PTBP2: variants seen among roughly 807,000 people sequenced by gnomAD.
The protein encoded by PTBP2 is polypyrimidine tract binding protein 2, also known as polypyrimidine tract-binding protein 2.
Under a neutral mutation model 61.4 loss-of-function variants are expected in PTBP2, and 13 were observed. That is an observed-to-expected ratio of 0.21 (90% CI 0.14 to 0.34). The LOEUF (loss-of-function observed/expected upper bound fraction) is 0.34, where lower values mean the gene tolerates loss of function less well. Among genes scored for constraint, PTBP2 ranks in the 10% least tolerant of loss-of-function variants. PTBP2 has a pLI of 1.00. For synonymous variants in PTBP2, 215 were observed against 218.5 expected, an observed-to-expected ratio of 0.98 and a Z score of 0.14; for missense variants, 405 against 642.6, an observed-to-expected ratio of 0.63 and a Z score of 4.00.
At chr1:96,798,024 C>G (rs1427812498) in intron 8 of PTBP2, among the ~76,000 whole-genome samples, 3 of 141,074 alleles carry the variant, frequency 2.1e-5, no homozygotes, top group African/African-American at 8.0e-5. Flanking sequence ...TGCAGTGAGC[C>G]GAGATCGTGC....
chr1:96,746,720 AG>A (rs1177818264), intron 2 of PTBP2, among the ~76,000 whole-genome samples: 5 of 149,040 alleles, frequency 3.4e-5, no homozygotes, highest in Non-Finnish European at 5.9e-5. Flanking sequence ...AAAAAAAAAA[AG>A]TGTGTGTTTT....
chr1:96,821,796 T>G (rs1662693141), exon 14 of PTBP2: 3 of 152,004 alleles, frequency 2.0e-5, no homozygotes, highest in Admixed American at 2.0e-4. Context: ...ACCCAGCTAA[T>G]TTTTGTATTT....
chr1:96,783,480 G>A (rs1658912821), intron 7 of PTBP2, among the ~76,000 whole-genome samples: 2 of 151,902 alleles, frequency 1.3e-5, no homozygotes, highest in Admixed American at 1.3e-4. Flanking sequence ...AGTATTGCTG[G>A]GAAAGAATTC....
intron 2 of PTBP2, among the ~76,000 whole-genome samples, chr1:96,739,852 C>G (rs1211297470): frequency 6.6e-6 from 1 of 151,412 alleles, no homozygotes; most frequent in Non-Finnish European, 1.5e-5. Flanking sequence ...CTCTTATCTC[C>G]CGACCTCGTG....
At chr1:96,809,713 TCTCA>T (rs1177520501) in intron 11 of PTBP2, among the ~76,000 whole-genome samples, 12 of 152,116 alleles carry the variant, frequency 7.9e-5, no homozygotes, top group Admixed American at 7.9e-4. Flanking sequence ...AGAGATGAGT[TCTCA>T]CTGTGTTGCC....
At chr1:96,791,934 C>T (rs887999784) in intron 8 of PTBP2, among the ~76,000 whole-genome samples, 5 of 149,144 alleles carry the variant, frequency 3.4e-5, no homozygotes, top group East Asian at 4.0e-4. Flanking sequence ...CCTGGGTTCA[C>T]GCCATTCTCC....
chr1:96,815,484 C>G (rs905609632), downstream of PTBP2: 2 of 152,084 alleles, frequency 1.3e-5, no homozygotes, highest in Non-Finnish European at 2.9e-5. Flanking sequence ...ACTACTGTAA[C>G]TTGTTAAGCA....
chr1:96,749,604 T>C (rs956289645), intron 2 of PTBP2: 1 of 454,664 alleles, frequency 2.2e-6, no homozygotes, highest in Middle Eastern at 3.3e-4. Context: ...AGGGGCAAAC[T>C]TTGATTTTGT....
At chr1:96,749,768 A>G (rs1041004663) in intron 2 of PTBP2, 8 of 407,626 alleles carry the variant, frequency 2.0e-5, no homozygotes. Context: ...AGCACTACTG[A>G]TGTGAGCCAG....
intron 3 of PTBP2, among the ~76,000 whole-genome samples, chr1:96,763,215 G>A (rs1275065645): frequency 6.6e-6 from 1 of 152,122 alleles, no homozygotes; most frequent in African/African-American, 2.4e-5. Flanking sequence ...ACTTTGGGAG[G>A]CCAAGGCAGG....
chr1:96,782,175 A>G (rs759822160), intron 7 of PTBP2, among the ~76,000 whole-genome samples: 2 of 151,952 alleles, frequency 1.3e-5, no homozygotes, highest in South Asian at 4.1e-4. Context: ...TATTAGGAAT[A>G]TCTTTAGTTG....
At chr1:96,779,969 A>G (rs1658468007) in intron 7 of PTBP2, among the ~76,000 whole-genome samples, 1 of 152,052 alleles carries the variant, frequency 6.6e-6, no homozygotes, top group Non-Finnish European at 1.5e-5. Flanking sequence ...TTCTTCAGTC[A>G]ACAGTTTTTC....
rs1177961363 is a variant in PTBP2, at chr1:96,736,751, A to T, written c.39+13157A>T. ...CAGGCTGGAGTGCCGTGGCATGATC[A>T]TGGCAGCCTCAACCTCCTGGGCTCC... is the stretch of plus-strand genomic sequence containing the variant. On this transcript the variant is annotated intron_variant, in intron 2 of 13. Coordinates refer to ENST00000674951, the MANE Select transcript of PTBP2 (RefSeq NM_021190.4). 6.0e-5 allele frequency among the ~76,000 whole-genome samples: 9 copies of T among 151,086 alleles called. No individual in the cohort carries two copies. The East Asian group carries it at 1.4e-3, about 23-fold the overall frequency.
chr1:96,731,985 T>C (rs1570706719), intron 2 of PTBP2, among the ~76,000 whole-genome samples: 1 of 152,190 alleles, frequency 6.6e-6, no homozygotes, highest in East Asian at 1.9e-4. Context: ...ACTTTTTAGA[T>C]GTAGATTTTA....
intron 8 of PTBP2, among the ~76,000 whole-genome samples, chr1:96,789,395 A>G (rs1377233817): frequency 6.6e-6 from 1 of 152,072 alleles, no homozygotes; most frequent in Non-Finnish European, 1.5e-5. Context: ...AAGTCACCAG[A>G]TTCTACCCCA....
chr1:96,784,854 A>G, intron 7 of PTBP2: 1 of 458,720 alleles, frequency 2.2e-6, no homozygotes, highest in Non-Finnish European at 3.8e-6. Flanking sequence ...TTGAAGTAGC[A>G]TTTTCTATTT....
At chr1:96,780,220 C>T (rs1658502385) in intron 7 of PTBP2, among the ~76,000 whole-genome samples, 1 of 151,662 alleles carries the variant, frequency 6.6e-6, no homozygotes, top group African/African-American at 2.4e-5. Context: ...TCTGTCATCC[C>T]CTTTCTCATT....
At chr1:96,731,794 C>T (rs1354858114) in intron 2 of PTBP2, among the ~76,000 whole-genome samples, 1 of 152,060 alleles carries the variant, frequency 6.6e-6, no homozygotes, top group Non-Finnish European at 1.5e-5. Context: ...TGTTGCATTT[C>T]TTTAAAATGG....
intron 7 of PTBP2, 163 bp from the exon 8 acceptor site, chr1:96,784,896 A>G (rs75437331): frequency 0.017 from 9,523 of 553,912 alleles, 98 homozygotes; most frequent in Non-Finnish European, 0.022. Flanking sequence ...AAAGTAATAC[A>G]TGGACAGCTG....
Sources: allele counts gnomAD v4.1 joint callset (sites outside exome capture counted in the v4.1 genomes callset), GRCh38; gene constraint gnomAD v4.1.1; transcripts MANE v1.5; gene names NCBI Gene and HGNC (gene_info 2026-07-23, HGNC 2026-07-21).